Variants in PRAG1 observed in about 807,000 individuals in gnomAD.
The protein encoded by PRAG1 is inactive tyrosine-protein kinase PRAG1.
In PRAG1, 110 loss-of-function variants were observed where a neutral mutation model predicts 95.6. That is an observed-to-expected ratio of 1.15 (90% CI 0.99 to 1.35). PRAG1 has a LOEUF of 1.35. Ranked by LOEUF, PRAG1 falls within the 40% of genes most tolerant of loss-of-function variation. PRAG1 has a pLI of 0.00. For missense variants in PRAG1, 2,554 were observed against 1,864.7 expected (o/e 1.37, Z -6.81); for synonymous variants, 1,052 against 819.4 (o/e 1.28, Z -4.85).
At chr8:8,357,838 G>A (rs1287895067) in intron 3 of PRAG1, among the ~76,000 whole-genome samples, 1 of 152,224 alleles carries the variant, frequency 6.6e-6, no homozygotes, top group East Asian at 1.9e-4. Flanking sequence ...TTCTGTGAAT[G>A]TATGGGAAAA....
chr8:8,353,935 C>G (rs1234209372), intron 3 of PRAG1, among the ~76,000 whole-genome samples: 1 of 148,094 alleles, frequency 6.8e-6, no homozygotes, highest in Non-Finnish European at 1.5e-5. Context: ...AAGATTAGAA[C>G]AAAAATAAAT....
At position 8,376,535 on chromosome 8, in the gene PRAG1, C is replaced by T. The variant is rs200468248; in HGVS notation, c.1874G>A (p.Arg625Gln). Residue 625 changes from arginine (R) to glutamine (Q), a missense_variant, in exon 3 of 6, where the codon CGG becomes CAG. Arg to Gln is a conservative substitution (Grantham distance 43). Coordinates refer to ENST00000615670, the MANE Select transcript of PRAG1 (RefSeq NM_001080826.3). ...CCAGGTGCCTGCCTGGAACCTGGGC[C>T]GCCTCTGTTCCGAGGCTGACGAGGC... Reference protein sequence around the residue: ...PAASSASEQRRPRFQAGTWSR... With the variant: ...PAASSASEQRQPRFQAGTWSR... The T allele has an allele frequency of 1.4e-4, 226 of 1,609,346 alleles. No individual in the cohort carries two copies. The highest frequency in any genetic ancestry group is 1.5e-4 in the Non-Finnish European group (173 of 1,176,626).
intron 3 of PRAG1, among the ~76,000 whole-genome samples, chr8:8,361,643 T>C (rs1799851171): frequency 6.6e-6 from 1 of 152,212 alleles, no homozygotes; most frequent in African/African-American, 2.4e-5. Flanking sequence ...AATTGGAGTA[T>C]TGGATGGGGA....
chr8:8,365,561 T>C (rs757738313), intron 3 of PRAG1, among the ~76,000 whole-genome samples: 14 of 151,318 alleles, frequency 9.3e-5, no homozygotes, highest in Admixed American at 5.3e-4. Flanking sequence ...GAGTTGGAGG[T>C]TGTGGTGAGC....
At chr8:8,364,718 C>T (rs897142279) in intron 3 of PRAG1, among the ~76,000 whole-genome samples, 13 of 151,604 alleles carry the variant, frequency 8.6e-5, no homozygotes, top group Admixed American at 7.2e-4. Context: ...AAAATCATCT[C>T]GTAAGCAATC....
intron 3 of PRAG1, among the ~76,000 whole-genome samples, chr8:8,365,602 C>T (rs1799975455): frequency 6.6e-6 from 1 of 151,176 alleles, no homozygotes; most frequent in African/African-American, 2.4e-5. Context: ...CCAGCCTGGG[C>T]AACAACAGTG....
rs372835921 is a variant in PRAG1, at chr8:8,376,249, C to T, written c.2160G>A (p.Ser720=). The change falls in exon 3 of 6, where the codon TCG becomes TCA. Residue 720 remains serine, a splice_region_variant and synonymous_variant. Transcript: ENST00000615670. ...CCCAGGCAGACAATGGTACTCACCG[C>T]GACTTTGGAGGCGGAGGAGGAGGTG... is the stretch of plus-strand genomic sequence containing the variant. ...TFSPPPPPPK[S]RHLLKMNKSS... 45 of 1,611,934 alleles carry T rather than the reference C, an allele frequency of 2.8e-5. No individual in the cohort carries two copies. The highest frequency in any genetic ancestry group is 2.3e-4 in the Admixed American group (14 of 59,956).
At chr8:8,329,851 G>A (rs915998717) in intron 4 of PRAG1, among the ~76,000 whole-genome samples, 1 of 152,224 alleles carries the variant, frequency 6.6e-6, no homozygotes, top group African/African-American at 2.4e-5. Flanking sequence ...GCCATGGGCT[G>A]ACATTCATGC....
At chr8:8,370,962 AAC>A (rs1800176130) in intron 3 of PRAG1, among the ~76,000 whole-genome samples, 1 of 152,030 alleles carries the variant, frequency 6.6e-6, no homozygotes, top group Non-Finnish European at 1.5e-5. Flanking sequence ...AACACGGTGA[AAC>A]CCCATCTCTA....
chr8:8,339,095 C>G (rs1799082175), intron 4 of PRAG1, among the ~76,000 whole-genome samples: 2 of 149,632 alleles, frequency 1.3e-5, no homozygotes, highest in Admixed American at 1.4e-4. Flanking sequence ...CATGTAGATG[C>G]AAAAGAGAGA....
chr8:8,345,313 T>C (rs1035810916), intron 3 of PRAG1, among the ~76,000 whole-genome samples: 5 of 150,582 alleles, frequency 3.3e-5, no homozygotes, highest in Middle Eastern at 6.9e-3. Flanking sequence ...GGAGGATCAC[T>C]TGAGCCTGGA....
In PRAG1 at chr8:8,328,076, T is replaced by G; in HGVS notation, c.2706A>C (p.Arg902Ser). Residue 902 changes from arginine (R) to serine (S), a missense_variant, in exon 5 of 6, where the codon AGA (arginine) becomes AGC (serine). By Grantham distance (110) the Arg-to-Ser change is moderately radical. Coordinates refer to ENST00000615670, the MANE Select transcript of PRAG1 (RefSeq NM_001080826.3). ...WLPAAGLAGNRGGCGSPGLQC... is the reference protein window; with the variant it reads ...WLPAAGLAGNSGGCGSPGLQC... ...GGAGGCCAGGGCTCCCGCAGCCGCC[T>G]CTGTTGCCCGCCAGCCCTGCTGCCG... The G allele has an allele frequency of 1.9e-6, 3 of 1,606,066 alleles. No individual in the cohort carries two copies. The highest frequency in any genetic ancestry group is 2.2e-5 in the South Asian group (2 of 90,130).
intron 5 of PRAG1, among the ~76,000 whole-genome samples, chr8:8,319,682 A>C (rs756593777): frequency 7.9e-5 from 12 of 152,138 alleles, no homozygotes; most frequent in Non-Finnish European, 1.5e-4. Context: ...ATTAAAAAAC[A>C]CTCTTTTACA....
intron 5 of PRAG1, among the ~76,000 whole-genome samples, chr8:8,327,486 C>A (rs1350895823): frequency 6.6e-6 from 1 of 152,154 alleles, no homozygotes; most frequent in Non-Finnish European, 1.5e-5. Context: ...AGGAGAATCG[C>A]TTTAAAATGG....
At position 8,319,081 on chromosome 8, in the gene PRAG1, C is replaced by T. The variant is rs1256986403; in HGVS notation, c.3294G>A (p.Gln1098=). 6.2e-7 allele frequency: 1 copy of T among 1,611,100 alleles called. No homozygotes were observed. Among genetic ancestry groups the T allele is most frequent in the African/African-American group, 1.3e-5 (1 of 75,044 alleles). ...AGTCCCGCACGAAGTCGGAGGCGGTCTGATGTGGCACCTCTCGGGTGATGA... is the reference window on the plus strand; with the variant it reads ...AGTCCCGCACGAAGTCGGAGGCGGTTTGATGTGGCACCTCTCGGGTGATGA... ...VVVITREVPH[Q]TASDFVRDSA... is the part of the protein sequence containing the mutation. Residue 1098 remains glutamine (Q), a synonymous_variant, in exon 6 of 6, where the codon CAG becomes CAA. Transcript: ENST00000615670.
In PRAG1 at chr8:8,381,563, G is replaced by A; in HGVS notation, c.185C>T (p.Pro62Leu). 2 of 1,614,200 alleles carry A rather than the reference G, an allele frequency of 1.2e-6. No individual in the cohort carries two copies. The highest frequency in any genetic ancestry group is 1.7e-6 in the Non-Finnish European group (2 of 1,180,014). ...TTCCAGGCGGCAGTTCTCAGGCCTG[G>A]GAGGCAGGCGCGGTGGAGGGGGCAG... ...GSLPPPPRLP[P>L]RPENCRLEDE... The change falls in exon 2 of 6, where the codon CCC (proline) becomes CTC (leucine). Residue 62 changes from proline to leucine, a missense_variant. Transcript: ENST00000615670.
intron 3 of PRAG1, among the ~76,000 whole-genome samples, chr8:8,368,628 C>G (rs574975533): frequency 4.6e-5 from 7 of 152,278 alleles, no homozygotes; most frequent in African/African-American, 1.7e-4. Context: ...AGAAAATTTC[C>G]TACCAATTGG....
intron 3 of PRAG1, among the ~76,000 whole-genome samples, chr8:8,371,982 T>G (rs1048746565): frequency 3.3e-5 from 5 of 152,208 alleles, no homozygotes; most frequent in Admixed American, 2.0e-4. Flanking sequence ...ATCGGTCTTA[T>G]TTCTTAGTCA....
rs565061971 is a variant in PRAG1 at position 8,357,572 on chromosome 8, C to T, written c.2163-17937G>A. Among the ~76,000 whole-genome samples the T allele has an allele frequency of 2.7e-3, 404 of 152,234 alleles. 4 individuals are homozygous for T. Among genetic ancestry groups the T allele is most frequent in the African/African-American group, 9.3e-3 (386 of 41,530 alleles). On this transcript the variant is annotated intron_variant, in intron 3 of 5. Transcript: ENST00000615670. ...AAGACACATGTGGAGAAATTGGAAC[C>T]CTTGTGCACTGTCAGTGGGAATACA... is the stretch of plus-strand genomic sequence containing the variant.
Sources: allele counts gnomAD v4.1 joint callset (sites outside exome capture counted in the v4.1 genomes callset), GRCh38; gene constraint gnomAD v4.1.1; transcripts MANE v1.5; gene names NCBI Gene and HGNC (gene_info 2026-07-23, HGNC 2026-07-21).